The following PRMT8 variants were observed in gnomAD, a reference collection of about 807,000 sequenced individuals.
PRMT8 encodes protein arginine methyltransferase 8.
Under a neutral mutation model 47.1 loss-of-function variants are expected in PRMT8, and 7 were observed. The ratio of observed to expected loss-of-function variants is 0.15; its 90% CI spans 0.08 to 0.28. PRMT8 has a LOEUF of 0.28. Ranked by LOEUF, PRMT8 falls within the 10% of genes least tolerant of loss-of-function variation. PRMT8 has a pLI of 1.00. For missense variants in PRMT8, 237 were observed against 505.4 expected, an observed-to-expected ratio of 0.47 and a Z score of 5.09; for synonymous variants, 188 against 186.5, an observed-to-expected ratio of 1.01 and a Z score of -0.07.
intron 2 of PRMT8, among the ~76,000 whole-genome samples, chr12:3,548,820 T>G (rs1231873161): frequency 6.6e-6 from 1 of 152,180 alleles, no homozygotes; most frequent in African/African-American, 2.4e-5. Context: ...CCAGGAAACT[T>G]ACTTCTAGGT....
At chr12:3,447,121 C>T (rs772842813) in intron 1 of PRMT8, among the ~76,000 whole-genome samples, 1 of 152,150 alleles carries the variant, frequency 6.6e-6, no homozygotes, top group Non-Finnish European at 1.5e-5. Context: ...GAGACAGAAC[C>T]CGTGCAAAGA....
In PRMT8 at chr12:3,552,578, G is replaced by A. The variant is rs1866441294; in HGVS notation, c.418-1073G>A. On this transcript the variant is annotated intron_variant, in intron 3 of 9. Transcript: ENST00000382622. This position sits in a 1 kb window ranked among gnomAD's most constrained non-coding sequence, Gnocchi z 4.5. ...AGGAGGGAATCACACCCCACAGACA[G>A]TGCAGCCTGAAGGCCAGGGACCTGG... The A allele has an allele frequency of 8.0e-6, 3 of 374,158 alleles. No homozygotes were observed. The highest frequency in any genetic ancestry group is 3.2e-5 in the Admixed American group (1 of 31,514). The allele number at this position is 374,158 out of a possible 1,614,324, so 23.2% of individuals were successfully genotyped here.
chr12:3,540,613 G>GGCCCCCCCCCCCCCCCCCC lies in PRMT8; in HGVS notation c.83_84insGCCCCCCCCCCCCCCCCCC (p.Ser28ArgfsTer20). On this transcript the variant is annotated frameshift_variant, in exon 2 of 10. Transcript: ENST00000382622. LOFTEE classifies it high-confidence loss of function. Reference sequence around the variant, plus strand: ...CCCTTCTCTTCCCCTCAGGTGAACAGCCCCCCCTCCCAGCCCCCCCAGCCC... The same window carrying GGCCCCCCCCCCCCCCCCCC: ...CCCTTCTCTTCCCCTCAGGTGAACAGGCCCCCCCCCCCCCCCCCCCCCCCCCTCCCAGCCCCCCCAGCCC... 1 of 1,130,522 alleles carries GGCCCCCCCCCCCCCCCCCC rather than the reference G, an allele frequency of 8.8e-7. No individual in the cohort carries two copies. Among genetic ancestry groups the GGCCCCCCCCCCCCCCCCCC allele is most frequent in the Non-Finnish European group, 1.3e-6 (1 of 752,492 alleles). 70.0% of individuals were successfully genotyped at this position (1,130,522 alleles called of 1,614,324 possible).
intron 1 of PRMT8, among the ~76,000 whole-genome samples, chr12:3,510,265 C>T (rs1865692046): frequency 6.6e-6 from 1 of 152,052 alleles, no homozygotes; most frequent in South Asian, 2.1e-4. Flanking sequence ...TGGTCCAGGT[C>T]CCTTTACTCA....
intron 1 of PRMT8, among the ~76,000 whole-genome samples, chr12:3,427,454 TAAC>T (rs1388752428): frequency 1.3e-5 from 2 of 152,176 alleles, no homozygotes; most frequent in Non-Finnish European, 2.9e-5. Context: ...TCTTTATAAT[TAAC>T]GTTTTAAAAC....
rs890842175 is a variant in PRMT8, at chr12:3,538,734, T to G, written c.76-1872T>G. ...TGATTCTGCAGCCTGCACAGGAGTG[T>G]GCACTTGACACAGTCTATTTTTAGC... On this transcript the variant is annotated intron_variant, in intron 1 of 9. Transcript: ENST00000382622. The surrounding 1 kb of genome is among the most constrained non-coding windows in gnomAD (Gnocchi z 4.6). The G allele has an allele frequency of 7.7e-6, 4 of 518,844 alleles. No homozygotes were observed. The highest frequency in any genetic ancestry group is 1.5e-5 in the Non-Finnish European group (4 of 259,858). The allele number at this position is 518,844 out of a possible 1,614,324, so 32.1% of individuals were successfully genotyped here. A position where few individuals can be genotyped will look rare whatever the true frequency, so the allele number is the denominator to read the frequency against.
intron 1 of PRMT8, among the ~76,000 whole-genome samples, chr12:3,518,650 C>G (rs558748947): frequency 1.3e-5 from 2 of 152,042 alleles, no homozygotes; most frequent in African/African-American, 4.8e-5. Flanking sequence ...GATGGGATAA[C>G]AATAACCCCA....
At chr12:3,479,853 A>AT (rs34560629) in intron 1 of PRMT8, among the ~76,000 whole-genome samples, 23 of 151,104 alleles carry the variant, frequency 1.5e-4, no homozygotes, top group South Asian at 1.0e-3. Context: ...CTACTCTCAG[A>AT]TTTTTTTTTT....
At chr12:3,581,232 C>T (rs752024213) in intron 7 of PRMT8, among the ~76,000 whole-genome samples, 5 of 152,154 alleles carry the variant, frequency 3.3e-5, no homozygotes, top group African/African-American at 7.2e-5. Context: ...AGCGGTCAGA[C>T]ATCACGACTT....
intron 6 of PRMT8, among the ~76,000 whole-genome samples, chr12:3,573,639 G>C (rs1591610299): frequency 6.6e-6 from 1 of 152,320 alleles, no homozygotes; most frequent in East Asian, 1.9e-4. Context: ...CAGGCTATTA[G>C]AATGAGGGTG....
rs1866391397 is a variant in PRMT8 at position 3,550,168 on chromosome 12, A to C, written c.417+77A>C. On this transcript the variant is annotated intron_variant, in intron 3 of 9. Transcript: ENST00000382622. The surrounding 1 kb of genome is among the most constrained non-coding windows in gnomAD (Gnocchi z 5.1). Reference sequence around the variant, plus strand: ...GCCCTCTGCCTCCACCCGCCCTTCTAGAAGTACAAAATTTGGTCCATCTCT... The same window carrying C: ...GCCCTCTGCCTCCACCCGCCCTTCTCGAAGTACAAAATTTGGTCCATCTCT... 6.4e-7 allele frequency: 1 copy of C among 1,568,286 alleles called. No individual in the cohort carries two copies.
chr12:3,497,928 G>T (rs1186834611), intron 1 of PRMT8, among the ~76,000 whole-genome samples: 2 of 152,150 alleles, frequency 1.3e-5, no homozygotes, highest in Non-Finnish European at 2.9e-5. Flanking sequence ...TTCCGTGTTG[G>T]GGTCAAGATC....
rs150664267 is a variant in PRMT8, at chr12:3,407,271, A to G, written c.48+25829A>G. On this transcript the variant is annotated intron_variant, in intron 1 of 9. Coordinates refer to the PRMT8 transcript ENST00000452611. ...TCCCACAACACGTGGGGATTATGGG[A>G]ATTACAATTCAAGATGAGATTTTGG... Among the ~76,000 whole-genome samples, 530 of 152,252 alleles carry G rather than the reference A, an allele frequency of 3.5e-3. 3 individuals are homozygous for G. The highest frequency in any genetic ancestry group is 0.012 in the African/African-American group (504 of 41,550).
At chr12:3,388,061 C>CTCCT (rs1864158875) in intron 1 of PRMT8, among the ~76,000 whole-genome samples, 1 of 150,888 alleles carries the variant, frequency 6.6e-6, no homozygotes, top group Admixed American at 6.6e-5. Flanking sequence ...TCCTCCCTCC[C>CTCCT]TCCCTCCCTG....
At chr12:3,527,356 G>A (rs1191993982) in intron 1 of PRMT8, among the ~76,000 whole-genome samples, 2 of 152,092 alleles carry the variant, frequency 1.3e-5, no homozygotes, top group Admixed American at 1.3e-4. Flanking sequence ...TATACAGCAT[G>A]AATATGCTGG....
At chr12:3,520,845 G>C (rs987430171) in intron 1 of PRMT8, among the ~76,000 whole-genome samples, 3 of 152,120 alleles carry the variant, frequency 2.0e-5, no homozygotes, top group African/African-American at 7.2e-5. Flanking sequence ...GGAAAAATCT[G>C]GACAAAGCAA....
chr12:3,415,953 G>A (rs1260410718), intron 1 of PRMT8, among the ~76,000 whole-genome samples: 1 of 152,190 alleles, frequency 6.6e-6, no homozygotes, highest in Admixed American at 6.5e-5. Context: ...ACAAACTAGG[G>A]CTGCCTGTGC....
chr12:3,474,198 C>T (rs112459560), intron 1 of PRMT8, among the ~76,000 whole-genome samples: 8 of 152,298 alleles, frequency 5.3e-5, no homozygotes, highest in African/African-American at 1.4e-4. Context: ...TCACATCACA[C>T]GGTGAGGGGC....
chr12:3,549,510 T>A (rs68024531), intron 2 of PRMT8, among the ~76,000 whole-genome samples: 2,143 of 112,050 alleles, frequency 0.019, 14 homozygotes, highest in East Asian at 0.034. Flanking sequence ...TTTTTTTTTT[T>A]AAAAAAAAGG....
Sources: gnomAD v4.1 joint callset for allele counts (sites outside exome capture counted in the v4.1 genomes callset) on GRCh38, gnomAD v4.1.1 for gene constraint, Gnocchi (gnomAD v3.1) non-coding constraint, MANE v1.5 for transcripts, NCBI Gene and HGNC (gene_info 2026-07-23, HGNC 2026-07-21) for gene names.